Variants in MAP2K2 observed in about 807,000 individuals in gnomAD.
MAP2K2 encodes mitogen-activated protein kinase kinase 2.
MAP2K2 carries 24 observed loss-of-function variants against 43.7 expected under a neutral mutation model. The ratio of observed to expected loss-of-function variants is 0.55; its 90% CI spans 0.40 to 0.77. The LOEUF is 0.77. Ranked by LOEUF, MAP2K2 falls within the 30% of genes least tolerant of loss-of-function variation. The pLI is 0.00. For synonymous variants in MAP2K2, 244 were observed against 239.7 expected, an observed-to-expected ratio of 1.02 and a Z score of -0.17; for missense variants, 470 against 566.8, an observed-to-expected ratio of 0.83 and a Z score of 1.73.
At chr19:4,114,156 G>A (rs2041191013) in intron 2 of MAP2K2, among the ~76,000 whole-genome samples, 1 of 152,172 alleles carries the variant, frequency 6.6e-6, no homozygotes, top group African/African-American at 2.4e-5. Flanking sequence ...CACAGGCTGG[G>A]AGCGGTGGCC....
At chr19:4,114,469 C>T (rs992367242) in intron 2 of MAP2K2, among the ~76,000 whole-genome samples, 2 of 152,170 alleles carry the variant, frequency 1.3e-5, no homozygotes, top group Non-Finnish European at 1.5e-5. Context: ...AACTCAGAGG[C>T]GAGAACAAAC....
intron 10 of MAP2K2, among the ~76,000 whole-genome samples, chr19:4,093,477 G>A (rs558900299): frequency 6.6e-6 from 1 of 152,236 alleles, no homozygotes; most frequent in Non-Finnish European, 1.5e-5. Flanking sequence ...GATCACCTGA[G>A]GTCAGGAGTT....
chr19:4,095,518 T>G, intron 8 of MAP2K2, 69 bp from the exon 9 acceptor site: 1 of 1,315,196 alleles, frequency 7.6e-7, no homozygotes. Flanking sequence ...CAGCCCTCTC[T>G]ACCCCTCACT....
In MAP2K2 at chr19:4,122,103, C is replaced by G. The variant is rs1000173427; in HGVS notation, c.92+1681G>C. ...AGGACCGCTCCCCGCCCCCCCAAGA[C>G]CTCTCAGCCTGTCCTCCCCACCCAG... On this transcript the variant is annotated intron_variant, in intron 1 of 10. Transcript: ENST00000262948. 6.0e-4 allele frequency among the ~76,000 whole-genome samples: 81 copies of G among 134,918 alleles called. 1 individual carries two copies. The highest frequency in any genetic ancestry group is 2.2e-3 in the African/African-American group (77 of 35,036). 88.5% of individuals were successfully genotyped at this position (134,918 alleles called of 152,430 possible).
At chr19:4,091,542 G>A (rs987579289) in intron 10 of MAP2K2, among the ~76,000 whole-genome samples, 3 of 151,408 alleles carry the variant, frequency 2.0e-5, no homozygotes, top group East Asian at 1.9e-4. Context: ...TAGTAGAGAC[G>A]GGGATTCACC....
chr19:4,110,813 C>A (rs1332023380), intron 2 of MAP2K2, among the ~76,000 whole-genome samples, 158 bp from the exon 3 acceptor site: 1 of 152,184 alleles, frequency 6.6e-6, no homozygotes, highest in Non-Finnish European at 1.5e-5. Flanking sequence ...GAAGTGGACA[C>A]ATACGTCCAC....
Position 4,095,385 on chromosome 19 carries a change from T to A in MAP2K2, c.1046+3A>T. ...GGGGTGTGGGCAGCCCGGCTCCACC[T>A]ACCATTTATTGACAAACTCCTGGAA... is the stretch of plus-strand genomic sequence containing the variant. On this transcript the variant is annotated splice_donor_region_variant and intron_variant, in intron 9 of 10. Transcript: ENST00000262948. The A allele has an allele frequency of 6.4e-7, 1 of 1,551,056 alleles. No homozygotes were observed. Among genetic ancestry groups the A allele is most frequent in the Non-Finnish European group, 8.7e-7 (1 of 1,146,758 alleles).
At position 4,090,394 on chromosome 19, in the gene MAP2K2, G is replaced by A. The variant is rs558142739; in HGVS notation, c.*204C>T. 2.3e-5 allele frequency: 14 copies of A among 621,470 alleles called. No homozygotes were observed. Among genetic ancestry groups the A allele is most frequent in the African/African-American group, 1.3e-4 (7 of 55,112 alleles). 38.5% of individuals were successfully genotyped at this position (621,470 alleles called of 1,614,324 possible). On this transcript the variant is annotated 3_prime_UTR_variant, in exon 11 of 11. Coordinates refer to ENST00000262948, the MANE Select transcript of MAP2K2 (RefSeq NM_030662.4). ...CTCTGAGACCACACACAGCAGCGTC[G>A]CCCGTCCCCAGAGGCACCCCGGCCA...
chr19:4,119,200 C>G (rs2041263495), intron 1 of MAP2K2, among the ~76,000 whole-genome samples: 1 of 151,966 alleles, frequency 6.6e-6, no homozygotes, highest in African/African-American at 2.4e-5. Flanking sequence ...ATGTCTGGCT[C>G]TTTTTAATTA....
At position 4,094,504 on chromosome 19, in the gene MAP2K2, G is replaced by T. The variant is rs774258077; in HGVS notation, c.1047-6C>A. On this transcript the variant is annotated splice_polypyrimidine_tract_variant and splice_region_variant and intron_variant, in intron 9 of 10. Coordinates refer to ENST00000262948, the MANE Select transcript of MAP2K2 (RefSeq NM_030662.4). ...CCGCTGGGTTCTTGATGAGGCTGGG[G>T]GTTCCAAGAGGCAGGACCGGGAGGC... 1.3e-6 allele frequency: 2 copies of T among 1,568,126 alleles called. No individual in the cohort carries two copies. Among genetic ancestry groups the T allele is most frequent in the Non-Finnish European group, 8.7e-7 (1 of 1,155,782 alleles).
At position 4,123,091 on chromosome 19, in the gene MAP2K2, G is replaced by A. The variant is rs113430746; in HGVS notation, c.92+693C>T. On this transcript the variant is annotated intron_variant, in intron 1 of 10. Coordinates refer to ENST00000262948, the MANE Select transcript of MAP2K2 (RefSeq NM_030662.4). ...CCCCTCACCCTCATCTCATGACTAC[G>A]GCAACCTTTACTCCGTCCTTTCCTC... Among the ~76,000 whole-genome samples, 777 of 150,352 alleles carry A rather than the reference G, an allele frequency of 5.2e-3. 5 individuals carry two copies. The highest frequency in any genetic ancestry group is 0.018 in the African/African-American group (749 of 40,660).
At position 4,107,718 on chromosome 19, in the gene MAP2K2, A is replaced by C. The variant is rs549594632; in HGVS notation, c.450+2791T>G. 5.4e-3 allele frequency among the ~76,000 whole-genome samples: 818 copies of C among 151,914 alleles called. 7 individuals are homozygous for C. Among genetic ancestry groups the C allele is most frequent in the African/African-American group, 0.018 (751 of 41,382 alleles). On this transcript the variant is annotated intron_variant, in intron 3 of 10. Transcript: ENST00000262948. ...AGAGACCTTGTACCCCCTACCCCCC[A>C]CAAAAAAAGAAGGAAAAAAATGCAA... is the stretch of plus-strand genomic sequence containing the variant.
rs1002810609 is a variant in MAP2K2 at position 4,099,580 on chromosome 19, C to T, written c.706-166G>A. The T allele has an allele frequency of 1.9e-5, 12 of 640,590 alleles. No homozygotes were observed. In the African/African-American group the frequency reaches 2.2e-4, roughly 12 times the overall value. The allele number at this position is 640,590 out of a possible 1,614,324, so 39.7% of individuals were successfully genotyped here. Reference sequence around the variant, plus strand: ...TACCTCCCGGCTCACCCACCCAGGGCCTCCCTGCGGCACTTGCTGAAGAGG... The same window carrying T: ...TACCTCCCGGCTCACCCACCCAGGGTCTCCCTGCGGCACTTGCTGAAGAGG... On this transcript the variant is annotated intron_variant, in intron 6 of 10. Transcript: ENST00000262948.
At chr19:4,113,726 G>C (rs74708977) in intron 2 of MAP2K2, among the ~76,000 whole-genome samples, 1 of 152,176 alleles carries the variant, frequency 6.6e-6, no homozygotes, top group East Asian at 1.9e-4. Flanking sequence ...AGGTGGAGAC[G>C]GTTGCTACAG....
At chr19:4,113,132 C>A (rs1200095209) in intron 2 of MAP2K2, among the ~76,000 whole-genome samples, 1 of 152,080 alleles carries the variant, frequency 6.6e-6, no homozygotes, top group Non-Finnish European at 1.5e-5. Context: ...GGCTGGCCGT[C>A]GCAAGTCGTA....
At chr19:4,096,269 G>A (rs1026593191) in intron 8 of MAP2K2, among the ~76,000 whole-genome samples, 2 of 152,288 alleles carry the variant, frequency 1.3e-5, no homozygotes, top group African/African-American at 2.4e-5. Flanking sequence ...CTAGGTGCAG[G>A]GAGAGCTGGG....
intron 2 of MAP2K2, among the ~76,000 whole-genome samples, chr19:4,111,961 C>A (rs527651022): frequency 1.5e-4 from 23 of 150,894 alleles, no homozygotes; most frequent in Middle Eastern, 3.4e-3. Flanking sequence ...CTCAAAAAAA[C>A]CCCCAAAAAA....
intron 2 of MAP2K2, among the ~76,000 whole-genome samples, chr19:4,116,197 C>T (rs1450126077): frequency 6.6e-6 from 1 of 151,452 alleles, no homozygotes; most frequent in Non-Finnish European, 1.5e-5. Context: ...TTACTCCACC[C>T]CAGGGTGGGT....
intron 2 of MAP2K2, among the ~76,000 whole-genome samples, chr19:4,111,980 AC>A (rs1219984112): frequency 4.6e-5 from 6 of 130,874 alleles, no homozygotes; most frequent in African/African-American, 1.5e-4. Context: ...AAACAAAACA[AC>A]AACAACAACA....
Sources: gnomAD v4.1 joint callset for allele counts (sites outside exome capture counted in the v4.1 genomes callset) on GRCh38, gnomAD v4.1.1 for gene constraint, MANE v1.5 for transcripts, NCBI Gene and HGNC (gene_info 2026-07-23, HGNC 2026-07-21) for gene names.